The following TRIM48 variants were observed in gnomAD, a reference collection of about 807,000 sequenced individuals.
TRIM48 encodes E3 ubiquitin-protein ligase TRIM48.
A neutral mutation model predicts 29.5 loss-of-function variants in TRIM48; 31 were observed. The observed-to-expected ratio is 1.05, with a 90% CI of 0.79 to 1.42. The LOEUF (loss-of-function observed/expected upper bound fraction) is 1.42, where lower values mean the gene tolerates loss of function less well. Among genes scored for constraint, TRIM48 ranks in the 40% most tolerant of loss-of-function variants. The pLI is 0.00. For missense variants in TRIM48, 344 were observed against 265.0 expected (o/e 1.30, Z -2.07); for synonymous variants, 128 against 90.6 (o/e 1.41, Z -2.34).
In TRIM48 at chr11:55,271,024, A is replaced by AAAT; in HGVS notation, c.*591_*593dup. On this transcript the variant is annotated 3_prime_UTR_variant, in exon 6 of 6. Transcript: ENST00000417545. ...TTCCTTGTGCCTTATCAAACAGGAC[A>AAAT]AATAGGTTCGGTTTTATGTCTTGAA... 6.8e-7 allele frequency: 1 copy of AAAT among 1,466,962 alleles called. No homozygotes were observed. Among genetic ancestry groups the AAAT allele is most frequent in the Non-Finnish European group, 9.2e-7 (1 of 1,087,540 alleles). The allele number at this position is 1,466,962 out of a possible 1,614,324, so 90.9% of individuals were successfully genotyped here. A position where few individuals can be genotyped will look rare whatever the true frequency, so the allele number is the denominator to read the frequency against.
rs1488283393 is a variant in TRIM48, at chr11:55,270,529, C to T, written c.*94C>T. ...TTGTATTGGATGTGACCGTCAAAAT[C>T]CGCCCCATATCACTGCAACACCTAC... On this transcript the variant is annotated 3_prime_UTR_variant, in exon 6 of 6. Coordinates refer to ENST00000417545, the MANE Select transcript of TRIM48 (RefSeq NM_024114.5). 6.3e-7 allele frequency: 1 copy of T among 1,581,680 alleles called. No homozygotes were observed. The highest frequency in any genetic ancestry group is 1.4e-5 in the African/African-American group (1 of 73,414).
At chr11:55,264,790 T>C in intron 1 of TRIM48, 110 bp from the exon 2 acceptor site, 3 of 1,473,922 alleles carry the variant, frequency 2.0e-6, no homozygotes, top group Non-Finnish European at 1.8e-6. Flanking sequence ...TTGTTGTGCT[T>C]TAATGAACAC....
At chr11:55,267,422 A>T (rs2120111016) in intron 3 of TRIM48, 1 of 1,577,672 alleles carries the variant, frequency 6.3e-7, no homozygotes, top group South Asian at 1.2e-5. Context: ...TGTGAATGTA[A>T]GGCTAGAAGC....
At chr11:55,268,399 A>G in intron 4 of TRIM48, 27 bp downstream of exon 4, 1 of 1,534,778 alleles carries the variant, frequency 6.5e-7, no homozygotes, top group Non-Finnish European at 8.9e-7. Context: ...ATTTTAGCAT[A>G]TGTTCTTTCA....
chr11:55,267,770 T>C (rs1857415599), intron 3 of TRIM48: 1 of 1,406,614 alleles, frequency 7.1e-7, no homozygotes, highest in South Asian at 1.5e-5. Context: ...TAACTAATGC[T>C]ACTTTATTGG....
rs953331873 is a variant in TRIM48 at position 55,267,493 on chromosome 11, G to A, written c.556-857G>A. 81 of 1,579,538 alleles carry A rather than the reference G, an allele frequency of 5.1e-5. 4 individuals carry two copies. The highest frequency in any genetic ancestry group is 6.8e-5 in the Non-Finnish European group (79 of 1,163,810). Reference sequence around the variant, plus strand: ...ATCATGAAGAAGAAAAACATAATTTGGAGATGCTGAAAAAGAAGGGAAAAG... The same window carrying A: ...ATCATGAAGAAGAAAAACATAATTTAGAGATGCTGAAAAAGAAGGGAAAAG... On this transcript the variant is annotated intron_variant, in intron 3 of 5. Transcript: ENST00000417545.
At chr11:55,263,577 G>A (rs573323054) in intron 1 of TRIM48, among the ~76,000 whole-genome samples, 12 of 152,128 alleles carry the variant, frequency 7.9e-5, no homozygotes, top group South Asian at 4.2e-4. Context: ...CAGGAGACTC[G>A]CTTTGACCCA....
chr11:55,265,687 C>G lies in TRIM48; in HGVS notation c.547C>G (p.His183Asp). 3.2e-6 allele frequency: 5 copies of G among 1,579,874 alleles called. 1 individual carries two copies. The South Asian group carries it at 6.0e-5, about 19-fold the overall frequency. Residue 183 changes from histidine to aspartate, a missense_variant, in exon 3 of 6, where the codon CAC becomes GAC. Coordinates refer to ENST00000417545, the MANE Select transcript of TRIM48 (RefSeq NM_024114.5). The stretch of plus-strand genomic sequence containing the variant: ...GAATGTGGAAACCACCAGAATCAGC[C>G]ACTGGAAGGTTAGTCCTGTAATACC... ...NLNVETTRIS[H>D]WKAFGDILYR...
chr11:55,264,206 C>G (rs1313945361), intron 1 of TRIM48, among the ~76,000 whole-genome samples: 2 of 142,074 alleles, frequency 1.4e-5, no homozygotes, highest in Non-Finnish European at 3.1e-5. Flanking sequence ...TAATTCAATC[C>G]AAGAGAAAAT....
At chr11:55,265,545 T>C in intron 2 of TRIM48, 55 bp from the exon 3 acceptor site, 1 of 1,554,294 alleles carries the variant, frequency 6.4e-7, no homozygotes, top group Non-Finnish European at 8.7e-7. Flanking sequence ...AATGAAACGG[T>C]CTGTATGTTA....
rs192679935 is a variant in TRIM48, at chr11:55,270,750, C to A, written c.*315C>A. On this transcript the variant is annotated 3_prime_UTR_variant, in exon 6 of 6. Transcript: ENST00000417545. ...TTAAGAACGACATTCAGTGCAGTCT[C>A]TTTACCACCTCCCCAATTACACTGC... 5 of 1,566,778 alleles carry A rather than the reference C, an allele frequency of 3.2e-6. 1 individual carries two copies. Among genetic ancestry groups the A allele is most frequent in the Admixed American group, 1.7e-5 (1 of 58,264 alleles).
rs138464688 is a variant in TRIM48 at position 55,265,069 on chromosome 11, A to G, written c.214A>G (p.Ile72Val). 245 of 1,583,662 alleles carry G rather than the reference A, an allele frequency of 1.5e-4. 42 individuals carry two copies. In the East Asian group the frequency reaches 5.1e-3, roughly 33 times the overall value. Residue 72 changes from isoleucine to valine, a missense_variant, in exon 2 of 6, where the codon ATA (isoleucine) becomes GTA (valine). Transcript: ENST00000417545. The stretch of plus-strand genomic sequence containing the variant: ...AATTCTTACTCAGTGCTTTGAATGC[A>G]TAAAGACAATACAGCAGAGAAACCT... ...IPILTQCFEC[I>V]KTIQQRNLKT... is the part of the protein sequence containing the mutation.
rs1489347013 is a variant in TRIM48, at chr11:55,263,627, A to C, written c.45-1273A>C. ...CAGTGAGCCGAGATTGCACCACTGC[A>C]CTCCAGCCTGGGTGACACAGTGAGT... is the stretch of plus-strand genomic sequence containing the variant. On this transcript the variant is annotated intron_variant, in intron 1 of 5. Coordinates refer to ENST00000417545, the MANE Select transcript of TRIM48 (RefSeq NM_024114.5). 2.6e-5 allele frequency among the ~76,000 whole-genome samples: 4 copies of C among 152,238 alleles called. No homozygotes were observed. The East Asian group carries it at 5.8e-4, about 22-fold the overall frequency.
Position 55,264,443 on chromosome 11 carries a change from C to T in TRIM48, c.45-457C>T, listed in dbSNP as rs1169816450. ...ACATGTGCCATGGTGGTTTGCTGCC[C>T]CACTGTTGTGTCTCTCTCTCAAAAT... On this transcript the variant is annotated intron_variant, in intron 1 of 5. Coordinates refer to ENST00000417545, the MANE Select transcript of TRIM48 (RefSeq NM_024114.5). Among the ~76,000 whole-genome samples, 3 of 148,056 alleles carry T rather than the reference C, an allele frequency of 2.0e-5. 1 individual carries two copies. The highest frequency in any genetic ancestry group is 4.5e-5 in the Non-Finnish European group (3 of 67,018).
chr11:55,265,368 G>T, intron 2 of TRIM48, 54 bp downstream of exon 2: 2 of 1,576,528 alleles, frequency 1.3e-6, no homozygotes, highest in South Asian at 2.4e-5. Context: ...AAATTCCTGT[G>T]GCCCTATTTT....
At chr11:55,262,491 C>G (rs979173765) in intron 1 of TRIM48, among the ~76,000 whole-genome samples, 180 bp downstream of exon 1, 2 of 152,054 alleles carry the variant, frequency 1.3e-5, no homozygotes, top group Non-Finnish European at 2.9e-5. Context: ...CATTTTCTAT[C>G]ATTCTTCAAT....
Position 55,270,439 on chromosome 11 carries a change from G to A in TRIM48, c.*4G>A. The A allele has an allele frequency of 6.8e-7, 1 of 1,464,408 alleles. No individual in the cohort carries two copies. The highest frequency in any genetic ancestry group is 1.9e-5 in the Admixed American group (1 of 52,112). The allele number at this position is 1,464,408 out of a possible 1,614,324, so 90.7% of individuals were successfully genotyped here. Reference sequence around the variant, plus strand: ...TTATTTATTTATTTATTTTGCAGTGGATATTACTCTGCATCACAATGAAGC... The same window carrying A: ...TTATTTATTTATTTATTTTGCAGTGAATATTACTCTGCATCACAATGAAGC... On this transcript the variant is annotated splice_region_variant and 3_prime_UTR_variant, in exon 6 of 6. Transcript: ENST00000417545.
chr11:55,269,587 T>G (rs1420284292), intron 5 of TRIM48, among the ~76,000 whole-genome samples: 3 of 146,130 alleles, frequency 2.1e-5, no homozygotes, highest in Non-Finnish European at 3.0e-5. Context: ...AAAAAAGGAG[T>G]AGTGTAGCAA....
In TRIM48 at chr11:55,267,672, C is replaced by A. The variant is rs538788878; in HGVS notation, c.556-678C>A. 5.3e-5 allele frequency: 83 copies of A among 1,562,922 alleles called. 6 individuals are homozygous for A. The highest frequency in any genetic ancestry group is 2.6e-4 in the Admixed American group (15 of 57,626). On this transcript the variant is annotated intron_variant, in intron 3 of 5. Transcript: ENST00000417545. ...TCGCAATGTGGTTTCAGGTTTTTGA[C>A]TATTCACATGTATAAGTATTTTCCT...
Sources: gnomAD v4.1 joint callset for allele counts (sites outside exome capture counted in the v4.1 genomes callset) on GRCh38, gnomAD v4.1.1 for gene constraint, MANE v1.5 for transcripts, NCBI Gene and HGNC (gene_info 2026-07-23, HGNC 2026-07-21) for gene names.